The following BIRC6 variants were observed in gnomAD, a reference collection of about 807,000 sequenced individuals.
BIRC6 encodes dual E2 ubiquitin-conjugating enzyme/E3 ubiquitin-protein ligase BIRC6.
Under a neutral mutation model 503.3 loss-of-function variants are expected in BIRC6, and 98 were observed. The observed-to-expected ratio is 0.19, with a 90% confidence interval of 0.17 to 0.23. The LOEUF (loss-of-function observed/expected upper bound fraction) is 0.23, where lower values mean the gene tolerates loss of function less well. Among genes scored for constraint, BIRC6 ranks in the 10% least tolerant of loss-of-function variants. BIRC6 has a pLI of 1.00. For synonymous variants in BIRC6, 2,240 were observed against 2,078.7 expected (o/e 1.08, Z -2.11); for missense variants, 5,360 against 5,806.0 (o/e 0.92, Z 2.50).
chr2:32,465,026 T>C lies in BIRC6; in HGVS notation c.5257-39T>C, dbSNP rs2048372804. ...TAGTTTTTATAGAACTATAGTAATA[T>C]CAATATAAAGTTAGATTTTTTTTTT... On this transcript the variant is annotated intron_variant, in intron 25 of 73. Coordinates refer to ENST00000421745, the MANE Select transcript of BIRC6 (RefSeq NM_016252.4). 2.9e-6 allele frequency: 4 copies of C among 1,374,692 alleles called. No individual in the cohort carries two copies. The African/African-American group carries it at 4.4e-5, about 15-fold the overall frequency. 85.2% of individuals were successfully genotyped at this position (1,374,692 alleles called of 1,614,324 possible).
At chr2:32,511,572 C>T (rs1476137749) in intron 53 of BIRC6, among the ~76,000 whole-genome samples, 3 of 148,218 alleles carry the variant, frequency 2.0e-5, no homozygotes, top group Non-Finnish European at 4.4e-5. Flanking sequence ...CCTCATGATC[C>T]GCCCACCTCA....
intron 8 of BIRC6, among the ~76,000 whole-genome samples, chr2:32,404,780 GC>G (rs1558635551): frequency 6.6e-6 from 1 of 151,524 alleles, no homozygotes. Flanking sequence ...TTCTACCTCA[GC>G]CTTCTAAGTA....
At chr2:32,436,219 A>G (rs754074513) in intron 15 of BIRC6, 35 bp downstream of exon 15, 1 of 1,370,108 alleles carries the variant, frequency 7.3e-7, no homozygotes, top group Non-Finnish European at 9.6e-7. Flanking sequence ...CAGAATTAAT[A>G]ATACCACAGT....
intron 23 of BIRC6, among the ~76,000 whole-genome samples, chr2:32,456,410 A>G (rs1053391473): frequency 2.0e-5 from 3 of 152,146 alleles, no homozygotes; most frequent in African/African-American, 7.2e-5. Flanking sequence ...TGTATCCACT[A>G]TTGGTTTGTA....
intron 49 of BIRC6, among the ~76,000 whole-genome samples, 200 bp downstream of exon 49, chr2:32,503,436 G>A (rs948807922): frequency 3.5e-5 from 5 of 143,790 alleles, no homozygotes; most frequent in Admixed American, 7.0e-5. Flanking sequence ...TTGTTTGTTT[G>A]TTTTGAGACG....
chr2:32,524,931 T>C lies in BIRC6; in HGVS notation c.11667T>C (p.Asp3889=). ...CTAAATTAATTAGTGAACAAAAAGA[T>C]GACAAAGAAAAGAAAAACCATGAAG... The part of the protein sequence containing the change: ...ITAKLISEQK[D]DKEKKNHEEK... Residue 3889 remains aspartate, a synonymous_variant, in exon 58 of 74, where the codon GAT becomes GAC. Transcript: ENST00000421745. 1 of 1,524,856 alleles carries C rather than the reference T, an allele frequency of 6.6e-7. No individual in the cohort carries two copies. The highest frequency in any genetic ancestry group is 8.8e-7 in the Non-Finnish European group (1 of 1,133,018). The allele number at this position is 1,524,856 out of a possible 1,614,324, so 94.5% of individuals were successfully genotyped here.
chr2:32,595,011 TATCTTGA>T lies in BIRC6; in HGVS notation c.13502-21_13502-15del. The T allele has an allele frequency of 1.5e-6, 2 of 1,364,904 alleles. No individual in the cohort carries two copies. Among genetic ancestry groups the T allele is most frequent in the Non-Finnish European group, 2.0e-6 (2 of 992,428 alleles). The allele number at this position is 1,364,904 out of a possible 1,614,324, so 84.5% of individuals were successfully genotyped here. On this transcript the variant is annotated splice_polypyrimidine_tract_variant and intron_variant, in intron 67 of 73. Coordinates refer to ENST00000421745, the MANE Select transcript of BIRC6 (RefSeq NM_016252.4). ...ATATACTTAAAATGTATATGTTATT[TATCTTGA>T]AATATTAAATAACAGAAAAAAAACT...
chr2:32,420,751 A>G (rs2042845693), intron 10 of BIRC6, among the ~76,000 whole-genome samples: 1 of 152,074 alleles, frequency 6.6e-6, no homozygotes. Context: ...ACCTCAAGTG[A>G]TTCACCTGCA....
chr2:32,369,972 ATATATATATATATGTATG>A (rs1558541632), intron 1 of BIRC6, among the ~76,000 whole-genome samples: 2 of 64,934 alleles, frequency 3.1e-5, no homozygotes, highest in Non-Finnish European at 6.2e-5. Context: ...ATATATATAT[ATATATATATATATGTATG>A]TATGTATGTG....
At chr2:32,495,783 G>A (rs1467423492) in intron 45 of BIRC6, among the ~76,000 whole-genome samples, 1 of 144,500 alleles carries the variant, frequency 6.9e-6, no homozygotes, top group African/African-American at 2.6e-5. Flanking sequence ...TTTGCTTTCA[G>A]GATGAAGTTT....
At chr2:32,515,972 G>A (rs2054992412) in intron 55 of BIRC6, among the ~76,000 whole-genome samples, 1 of 152,118 alleles carries the variant, frequency 6.6e-6, no homozygotes, top group Non-Finnish European at 1.5e-5. Context: ...GAGATGACTA[G>A]CAGATGCATT....
chr2:32,618,677 T>C lies in BIRC6; in HGVS notation c.*773T>C, dbSNP rs1283599152. 1 of 149,330 alleles carries C rather than the reference T, an allele frequency of 6.7e-6. No homozygotes were observed. The highest frequency in any genetic ancestry group is 1.5e-5 in the Non-Finnish European group (1 of 66,280). 9.3% of individuals were successfully genotyped at this position (149,330 alleles called of 1,614,324 possible). A position where few individuals can be genotyped will look rare whatever the true frequency, so the allele number is the denominator to read the frequency against. On this transcript the variant is annotated 3_prime_UTR_variant, in exon 74 of 74. Transcript: ENST00000421745. ...CAATTTGAAAGTCATTCTAAACTGATTTTTTTTTTCTAAAGGGCTCCTTTT... is the reference window on the plus strand; with the variant it reads ...CAATTTGAAAGTCATTCTAAACTGACTTTTTTTTTCTAAAGGGCTCCTTTT...
chr2:32,465,316 G>C (rs1374367510), intron 26 of BIRC6, among the ~76,000 whole-genome samples, 152 bp downstream of exon 26: 1 of 134,160 alleles, frequency 7.5e-6, no homozygotes, highest in Non-Finnish European at 1.5e-5. Flanking sequence ...TCAAGAATAA[G>C]CACTTACATG....
chr2:32,413,505 G>A (rs369047982), intron 9 of BIRC6, among the ~76,000 whole-genome samples: 2 of 151,802 alleles, frequency 1.3e-5, no homozygotes, highest in African/African-American at 4.8e-5. Flanking sequence ...TTTTAGTAGA[G>A]GCGGGGTTTT....
chr2:32,405,442 A>G (rs1451499801), intron 8 of BIRC6, among the ~76,000 whole-genome samples: 1 of 152,224 alleles, frequency 6.6e-6, no homozygotes. Flanking sequence ...AAATATTTCA[A>G]ACATTGCCTT....
rs537991481 is a variant in BIRC6 at position 32,515,187 on chromosome 2, G to A, written c.10766G>A (p.Ser3589Asn). Residue 3589 changes from serine to asparagine, a missense_variant, in exon 55 of 74, where the codon AGT becomes AAT. By Grantham distance (46) the Ser-to-Asn change is conservative. Around this residue, in one of 16 missense-constraint regions of BIRC6, gnomAD observed 878 missense variants for 928.9 expected, o/e 0.95. Transcript: ENST00000421745. ...GATGATAGCAAAAAGCAGGATCTTA[G>A]TTCATCTTTAACAGATGACTCTAAA... ...MTDDSKKQDL[S>N]SSLTDDSKNA... is the part of the protein sequence containing the mutation. 17 of 1,613,890 alleles carry A rather than the reference G, an allele frequency of 1.1e-5. No homozygotes were observed. The highest frequency in any genetic ancestry group is 4.0e-5 in the African/African-American group (3 of 75,010).
At chr2:32,441,144 C>T (rs1198594333) in intron 16 of BIRC6, among the ~76,000 whole-genome samples, 185 bp from the exon 17 acceptor site, 1 of 151,840 alleles carries the variant, frequency 6.6e-6, no homozygotes. Flanking sequence ...TCTTTTTTTC[C>T]CCTATTATAA....
chr2:32,443,037 A>G (rs1367616096), intron 19 of BIRC6, among the ~76,000 whole-genome samples: 2 of 152,218 alleles, frequency 1.3e-5, no homozygotes, highest in Admixed American at 1.3e-4. Flanking sequence ...GAGATTAACA[A>G]TAACTACTAA....
intron 20 of BIRC6, among the ~76,000 whole-genome samples, chr2:32,444,642 T>G (rs2045768039): frequency 6.6e-6 from 1 of 152,104 alleles, no homozygotes; most frequent in Non-Finnish European, 1.5e-5. Flanking sequence ...TCCCAGCACT[T>G]CGGGAGGCCA....
Sources: gnomAD v4.1 joint callset for allele counts (sites outside exome capture counted in the v4.1 genomes callset) on GRCh38, gnomAD v4.1.1 for gene constraint, gnomAD v4.1.1 regional missense constraint, MANE v1.5 for transcripts, NCBI Gene and HGNC (gene_info 2026-07-23, HGNC 2026-07-21) for gene names.